Variants in C2CD2 observed in about 807,000 individuals in gnomAD.
The protein encoded by C2CD2 is C2 calcium dependent domain containing 2.
A neutral mutation model predicts 74.3 loss-of-function variants in C2CD2; 43 were observed. The ratio of observed to expected loss-of-function variants is 0.58; its 90% CI spans 0.45 to 0.75. The LOEUF is 0.75. Among genes scored for constraint, C2CD2 ranks in the 30% least tolerant of loss-of-function variants. C2CD2 has a pLI of 0.00. For synonymous variants in C2CD2, 422 were observed against 390.7 expected (o/e 1.08, Z -0.94); for missense variants, 801 against 916.3 (o/e 0.87, Z 1.63).
At chr21:41,930,125 C>T (rs146806059) in intron 2 of C2CD2, among the ~76,000 whole-genome samples, 1 of 143,098 alleles carries the variant, frequency 7.0e-6, no homozygotes, top group Non-Finnish European at 1.6e-5. Flanking sequence ...AGCCGAAACT[C>T]TTCCGGTGGG....
chr21:41,927,264 T>TA (rs1213219750), intron 2 of C2CD2, among the ~76,000 whole-genome samples: 1 of 152,088 alleles, frequency 6.6e-6, no homozygotes, highest in Non-Finnish European at 1.5e-5. Flanking sequence ...CTCCTGGGTT[T>TA]AAGCAATTCT....
At chr21:41,890,568 T>A (rs1601539094) in intron 13 of C2CD2, among the ~76,000 whole-genome samples, 1 of 152,246 alleles carries the variant, frequency 6.6e-6, no homozygotes, top group Admixed American at 6.5e-5. Flanking sequence ...ACCGCTGGCA[T>A]GTAGGTGGTA....
chr21:41,900,126 T>C (rs1227491670), intron 12 of C2CD2, among the ~76,000 whole-genome samples: 4 of 151,974 alleles, frequency 2.6e-5, no homozygotes, highest in Non-Finnish European at 5.9e-5. Context: ...TACAAAAAAT[T>C]AGCTGGTCGT....
In C2CD2 at chr21:41,890,988, C is replaced by T. The variant is rs371981804; in HGVS notation, c.1871-1644G>A. 1.3e-3 allele frequency among the ~76,000 whole-genome samples: 199 copies of T among 152,242 alleles called. 10 individuals carry two copies. The South Asian group carries it at 0.039, about 30-fold the overall frequency. On this transcript the variant is annotated intron_variant, in intron 13 of 13. Coordinates refer to ENST00000380486, the MANE Select transcript of C2CD2 (RefSeq NM_015500.2). Reference sequence around the variant, plus strand: ...TGGACTGAATTTAATTTGATCAAAGCGGCCATAATTTTTTAAAAACTTGAC... The same window carrying T: ...TGGACTGAATTTAATTTGATCAAAGTGGCCATAATTTTTTAAAAACTTGAC...
rs915671754 is a variant in C2CD2 at position 41,953,312 on chromosome 21, G to A, written c.279+58C>T. The A allele has an allele frequency of 3.4e-4, 426 of 1,235,332 alleles. 2 individuals carry two copies. The highest frequency in any genetic ancestry group is 2.5e-3 in the Admixed American group (66 of 26,342). 76.5% of individuals were successfully genotyped at this position (1,235,332 alleles called of 1,614,324 possible). ...AGCGACGCCTCCAGGAAAGACCTCG[G>A]CCCGGACCGCCCGCCCCGGCATCTG... is the stretch of plus-strand genomic sequence containing the variant. On this transcript the variant is annotated intron_variant, in intron 1 of 13. Coordinates refer to ENST00000380486, the MANE Select transcript of C2CD2 (RefSeq NM_015500.2).
intron 12 of C2CD2, chr21:41,901,291 T>C: frequency 2.7e-6 from 1 of 368,428 alleles, no homozygotes; most frequent in Non-Finnish European, 5.1e-6. Flanking sequence ...CGTGACTGGG[T>C]GGTGACGAGA....
chr21:41,943,255 C>T (rs953541209), intron 1 of C2CD2, among the ~76,000 whole-genome samples: 2 of 152,114 alleles, frequency 1.3e-5, no homozygotes, highest in Non-Finnish European at 2.9e-5. Context: ...GCTGAGATCA[C>T]ACTCCAGCCT....
intron 13 of C2CD2, among the ~76,000 whole-genome samples, chr21:41,896,067 C>T (rs1309891504): frequency 2.0e-5 from 3 of 152,174 alleles, no homozygotes; most frequent in Admixed American, 1.3e-4. Context: ...AGGAGGAACA[C>T]GCGGAACTAG....
chr21:41,905,993 G>A (rs1269110586), intron 10 of C2CD2, among the ~76,000 whole-genome samples, 156 bp from the exon 11 acceptor site: 1 of 152,234 alleles, frequency 6.6e-6, no homozygotes. Flanking sequence ...GGAGGGGCAA[G>A]AGTGGTGTCT....
intron 2 of C2CD2, among the ~76,000 whole-genome samples, chr21:41,931,248 G>A (rs537542157): frequency 6.7e-6 from 1 of 150,288 alleles, no homozygotes; most frequent in African/African-American, 2.4e-5. Flanking sequence ...CACCCGGTCT[G>A]AGCAGATACC....
chr21:41,916,354 C>T (rs750049991), intron 5 of C2CD2, among the ~76,000 whole-genome samples: 116 of 152,144 alleles, frequency 7.6e-4, no homozygotes, highest in Middle Eastern at 3.2e-3. Flanking sequence ...GCAGATTTTC[C>T]TCCCTCTCGT....
At position 41,926,030 on chromosome 21, in the gene C2CD2, T is replaced by C. The variant is rs1472252960; in HGVS notation, c.379-3945A>G. 6.6e-6 allele frequency among the ~76,000 whole-genome samples: 1 copy of C among 152,182 alleles called. No homozygotes were observed. Among genetic ancestry groups the C allele is most frequent in the African/African-American group, 2.4e-5 (1 of 41,448 alleles). On this transcript the variant is annotated intron_variant, in intron 2 of 13. Transcript: ENST00000380486. The surrounding 1 kb of genome is among the most constrained non-coding windows in gnomAD (Gnocchi z 8.0). ...TCCCTCTGAAACAGTCTGCTATTAA[T>C]ACAGGATTTTAAAAAGTTAAATAGA...
chr21:41,893,703 T>TTTC (rs1487914149), intron 13 of C2CD2, among the ~76,000 whole-genome samples: 9 of 109,358 alleles, frequency 8.2e-5, no homozygotes, highest in Non-Finnish European at 1.8e-4. Context: ...AATTTCTTTT[T>TTTC]TTTTTTTTTT....
In C2CD2 at chr21:41,888,036, G is replaced by A; in HGVS notation, c.*1088C>T. 6.6e-6 allele frequency: 1 copy of A among 152,568 alleles called. No homozygotes were observed. Among genetic ancestry groups the A allele is most frequent in the Admixed American group, 6.6e-5 (1 of 15,264 alleles). The allele number at this position is 152,568 out of a possible 1,614,324, so 9.5% of individuals were successfully genotyped here. Reference sequence around the variant, plus strand: ...TTCCACCAAAACAAACCCAAACAAGGGCACCCCAACCTGTGTCCAAGAGGA... The same window carrying A: ...TTCCACCAAAACAAACCCAAACAAGAGCACCCCAACCTGTGTCCAAGAGGA... On this transcript the variant is annotated 3_prime_UTR_variant, in exon 14 of 14. Coordinates refer to ENST00000380486, the MANE Select transcript of C2CD2 (RefSeq NM_015500.2).
intron 3 of C2CD2, among the ~76,000 whole-genome samples, chr21:41,920,880 G>T (rs2065147746): frequency 6.6e-6 from 1 of 152,216 alleles, no homozygotes; most frequent in South Asian, 2.1e-4. Flanking sequence ...TCCAAAACAT[G>T]CATCAAATGT....
Position 41,953,491 on chromosome 21 carries a change from C to T in C2CD2, c.158G>A (p.Gly53Glu). The change falls in exon 1 of 14, where the codon GGA (glycine) becomes GAA (glutamate). Residue 53 changes from glycine (G) to glutamate (E), a missense_variant. Physicochemically the swap from Gly to Glu is moderately conservative, Grantham distance 98. Coordinates refer to ENST00000380486, the MANE Select transcript of C2CD2 (RefSeq NM_015500.2). Reference sequence around the variant, plus strand: ...GTCGGACCCCGGGCGCGGCCCCTCTCCAGGCTCCACCGCCCGCCGCTGGGG... The same window carrying T: ...GTCGGACCCCGGGCGCGGCCCCTCTTCAGGCTCCACCGCCCGCCGCTGGGG... ...PQPQRRAVEPGEGPRPGSDAL... is the reference protein window; with the variant it reads ...PQPQRRAVEPEEGPRPGSDAL... The T allele has an allele frequency of 6.7e-7, 1 of 1,483,066 alleles. No individual in the cohort carries two copies. The highest frequency in any genetic ancestry group is 9.0e-7 in the Non-Finnish European group (1 of 1,115,694). 91.9% of individuals were successfully genotyped at this position (1,483,066 alleles called of 1,614,324 possible). A position where few individuals can be genotyped will look rare whatever the true frequency, so the allele number is the denominator to read the frequency against.
chr21:41,890,008 G>A, intron 13 of C2CD2, among the ~76,000 whole-genome samples: 1 of 152,116 alleles, frequency 6.6e-6, no homozygotes, highest in East Asian at 1.9e-4. Context: ...TGGGATACCT[G>A]GGTCCCCTCT....
At chr21:41,932,848 G>T (rs2065274521) in intron 2 of C2CD2, among the ~76,000 whole-genome samples, 1 of 150,328 alleles carries the variant, frequency 6.7e-6, no homozygotes, top group South Asian at 2.1e-4. Flanking sequence ...GTGATGACTT[G>T]GACACACCGA....
chr21:41,909,117 T>A lies in C2CD2; in HGVS notation c.1018+342A>T, dbSNP rs991090733. Among the ~76,000 whole-genome samples, 9 of 152,242 alleles carry A rather than the reference T, an allele frequency of 5.9e-5. No homozygotes were observed. In the East Asian group the frequency reaches 1.7e-3, roughly 29 times the overall value. On this transcript the variant is annotated intron_variant, in intron 8 of 13. Transcript: ENST00000380486. ...TTTATGTTGTTTATCTTACTACAGTTAAAAGGTTTTGTTTTTGTTTTTGTT... is the reference window on the plus strand; with the variant it reads ...TTTATGTTGTTTATCTTACTACAGTAAAAAGGTTTTGTTTTTGTTTTTGTT...
Sources: gnomAD v4.1 joint callset for allele counts (sites outside exome capture counted in the v4.1 genomes callset) on GRCh38, gnomAD v4.1.1 for gene constraint, Gnocchi (gnomAD v3.1) non-coding constraint, MANE v1.5 for transcripts, NCBI Gene and HGNC (gene_info 2026-07-23, HGNC 2026-07-21) for gene names.